KANK1: variants seen among roughly 807,000 people sequenced by gnomAD.
The protein encoded by KANK1 is KN motif and ankyrin repeat domains 1, also known as KN motif and ankyrin repeat domain-containing protein 1.
Under a neutral mutation model 106.2 loss-of-function variants are expected in KANK1, and 109 were observed. The observed-to-expected ratio is 1.03, with a 90% CI of 0.88 to 1.20. KANK1 has a LOEUF of 1.20. Among genes scored for constraint, KANK1 ranks in the 50% most tolerant of loss-of-function variants. The pLI, the probability that KANK1 is intolerant of heterozygous loss-of-function variation, is 0.00. For missense variants in KANK1, 2,399 were observed against 1,710.7 expected, an observed-to-expected ratio of 1.40 and a Z score of -7.10; for synonymous variants, 873 against 652.2, an observed-to-expected ratio of 1.34 and a Z score of -5.16.
intron 1 of KANK1, among the ~76,000 whole-genome samples, chr9:607,234 C>G (rs1829427944): frequency 1.3e-5 from 2 of 151,608 alleles, no homozygotes; most frequent in Admixed American, 6.6e-5. Context: ...GCCTGTAATC[C>G]CAGCATTTTG....
At chr9:743,037 G>T (rs369056717) in intron 10 of KANK1, among the ~76,000 whole-genome samples, 3 of 152,154 alleles carry the variant, frequency 2.0e-5, no homozygotes, top group African/African-American at 7.2e-5. Flanking sequence ...TCAACCAAAG[G>T]GGGTACTTTT....
At position 514,541 on chromosome 9, in the gene KANK1, T is replaced by C. The variant is rs1450024873; in HGVS notation, c.-84+9787T>C. Among the ~76,000 whole-genome samples the C allele has an allele frequency of 2.0e-5, 3 of 151,238 alleles. 1 individual carries two copies. Among genetic ancestry groups the C allele is most frequent in the Admixed American group, 2.0e-4 (3 of 15,242 alleles). ...ATCAATTTAGTCAGTTTTTGAACTT[T>C]ATGTACCTGAGATCACAGAGCATGT... On this transcript the variant is annotated intron_variant, in intron 1 of 11. Coordinates refer to ENST00000382297, the MANE Select transcript of KANK1 (RefSeq NM_015158.5).
chr9:656,453 T>G (rs188754300), intron 1 of KANK1, among the ~76,000 whole-genome samples: 3 of 152,188 alleles, frequency 2.0e-5, no homozygotes, highest in Non-Finnish European at 4.4e-5. Flanking sequence ...CCCTTTTGCC[T>G]CTACCTCATG....
intron 1 of KANK1, among the ~76,000 whole-genome samples, chr9:516,998 T>TACACACACACACACACAC (rs148954863): frequency 0.038 from 5,502 of 145,436 alleles, 287 homozygotes; most frequent in East Asian, 0.15. Context: ...CATCACCCTC[T>TACACACACACACACACAC]ACACACACAC....
chr9:739,195 C>A (rs1009074562), intron 8 of KANK1, among the ~76,000 whole-genome samples: 1 of 152,210 alleles, frequency 6.6e-6, no homozygotes, highest in African/African-American at 2.4e-5. Flanking sequence ...GAGCTTTCAA[C>A]TTCTTGTTCA....
chr9:673,200 CTTTTTTTTTTTT>C (rs542647158), intron 1 of KANK1, among the ~76,000 whole-genome samples: 26,811 of 98,472 alleles, frequency 0.27, 3,716 homozygotes, highest in African/African-American at 0.45. Context: ...ACAGTGTCTT[CTTTTTTTTTTTT>C]TTTTTTTTTT....
At chr9:725,975 AAAAAG>A (rs1830535753) in intron 3 of KANK1, among the ~76,000 whole-genome samples, 1 of 152,228 alleles carries the variant, frequency 6.6e-6, no homozygotes, top group African/African-American at 2.4e-5. Flanking sequence ...TACTAGAGAC[AAAAAG>A]AAAAAAGTTA....
In KANK1 at chr9:568,530, C is replaced by T. The variant is rs552917419; in HGVS notation, c.-84+63776C>T. Among the ~76,000 whole-genome samples the T allele has an allele frequency of 3.9e-5, 6 of 152,204 alleles. No homozygotes were observed. In the East Asian group the frequency reaches 1.2e-3, roughly 29 times the overall value. ...CAGTGGCATGATCGTCACTCTGTTG[C>T]CCAGGTTGGAGTGCAGTGGTGCAGT... is the stretch of plus-strand genomic sequence containing the variant. On this transcript the variant is annotated intron_variant, in intron 1 of 11. Transcript: ENST00000382297.
intron 3 of KANK1, among the ~76,000 whole-genome samples, 196 bp from the exon 4 acceptor site, chr9:729,855 G>GAGTT (rs1425126155): frequency 1.3e-5 from 2 of 152,170 alleles, no homozygotes; most frequent in Non-Finnish European, 2.9e-5. Context: ...AGGTGCTGTG[G>GAGTT]AGTTAGAATG....
chr9:644,393 G>C (rs911267612), intron 1 of KANK1, among the ~76,000 whole-genome samples: 6 of 150,954 alleles, frequency 4.0e-5, no homozygotes, highest in Non-Finnish European at 8.8e-5. Flanking sequence ...AAATACTGGA[G>C]ACTGGGCAAT....
intron 2 of KANK1, among the ~76,000 whole-genome samples, chr9:695,959 C>T (rs925535602): frequency 6.6e-6 from 1 of 152,036 alleles, no homozygotes; most frequent in Non-Finnish European, 1.5e-5. Flanking sequence ...ACTAAGAGGG[C>T]CATGTACCAA....
In KANK1 at chr9:711,386, C is replaced by T. The variant is rs752035773; in HGVS notation, c.620C>T (p.Pro207Leu). ...PSFVGSGNHNPAKHQLQNGYQ... is the reference protein window; with the variant it reads ...PSFVGSGNHNLAKHQLQNGYQ... ...TTTGTGGGTTCTGGAAACCACAATCCTGCCAAGCACCAGCTTCAGAATGGA... is the reference window on the plus strand; with the variant it reads ...TTTGTGGGTTCTGGAAACCACAATCTTGCCAAGCACCAGCTTCAGAATGGA... The change falls in exon 3 of 12, where the codon CCT becomes CTT. Residue 207 changes from proline to leucine, a missense_variant. Coordinates refer to ENST00000382297, the MANE Select transcript of KANK1 (RefSeq NM_015158.5). 1.2e-6 allele frequency: 2 copies of T among 1,614,174 alleles called. No individual in the cohort carries two copies. Among genetic ancestry groups the T allele is most frequent in the South Asian group, 1.1e-5 (1 of 91,082 alleles).
At chr9:631,665 G>A (rs532735965) in intron 1 of KANK1, among the ~76,000 whole-genome samples, 1 of 152,182 alleles carries the variant, frequency 6.6e-6, no homozygotes, top group Non-Finnish European at 1.5e-5. Flanking sequence ...AGTGACTCCT[G>A]CTGCTTCCAA....
At chr9:572,949 T>A (rs1449161390) in intron 1 of KANK1, among the ~76,000 whole-genome samples, 3 of 152,216 alleles carry the variant, frequency 2.0e-5, no homozygotes, top group Non-Finnish European at 2.9e-5. Context: ...ATTACTATTA[T>A]CACAATGTAT....
At chr9:540,654 T>C (rs1319848505) in intron 1 of KANK1, 1 of 152,236 alleles carries the variant, frequency 6.6e-6, no homozygotes, top group Non-Finnish European at 1.5e-5. Context: ...TCCTGGGATA[T>C]TCTTTGTTGA....
At chr9:725,988 T>A (rs1830539984) in intron 3 of KANK1, among the ~76,000 whole-genome samples, 1 of 152,158 alleles carries the variant, frequency 6.6e-6, no homozygotes, top group African/African-American at 2.4e-5. Context: ...AAGAAAAAAG[T>A]TATAGTAGCC....
chr9:474,087 A>C (rs2058065228), intron 3 of KANK1, among the ~76,000 whole-genome samples: 2 of 152,186 alleles, frequency 1.3e-5, no homozygotes, highest in South Asian at 4.1e-4. Context: ...ATCTATTTAT[A>C]ATATTCATTG....
At chr9:559,153 C>CA (rs1815699520) in intron 1 of KANK1, among the ~76,000 whole-genome samples, 1 of 152,024 alleles carries the variant, frequency 6.6e-6, no homozygotes, top group Non-Finnish European at 1.5e-5. Flanking sequence ...GTGTTTTTCC[C>CA]AAAGATTTGT....
intron 2 of KANK1, among the ~76,000 whole-genome samples, chr9:677,850 T>C (rs1253726990): frequency 3.3e-5 from 5 of 152,182 alleles, no homozygotes; most frequent in Non-Finnish European, 7.4e-5. Flanking sequence ...GAAACCTGAA[T>C]TTGAGTCCTA....
Sources: gnomAD v4.1 joint callset for allele counts (sites outside exome capture counted in the v4.1 genomes callset) on GRCh38, gnomAD v4.1.1 for gene constraint, MANE v1.5 for transcripts, NCBI Gene and HGNC (gene_info 2026-07-23, HGNC 2026-07-21) for gene names.